DOK2: variants seen among roughly 807,000 people sequenced by gnomAD.
The protein encoded by DOK2 is docking protein 2.
DOK2 carries 28 observed loss-of-function variants against 26.0 expected under a neutral mutation model. The ratio of observed to expected loss-of-function variants is 1.08; its 90% CI spans 0.80 to 1.48. DOK2 has a LOEUF of 1.48. DOK2 is among the 40% of genes most tolerant of loss of function. The pLI is 0.00. For missense variants in DOK2, 682 were observed against 558.2 expected (o/e 1.22, Z -2.23); for synonymous variants, 282 against 236.9 (o/e 1.19, Z -1.75).
intron 1 of DOK2, chr8:21,912,714 G>T: frequency 1.7e-6 from 1 of 593,322 alleles, no homozygotes; most frequent in Non-Finnish European, 2.9e-6. Context: ...GAGATCAGCC[G>T]CCAGCCCCGA....
At position 21,909,860 on chromosome 8, in the gene DOK2, T is replaced by C; in HGVS notation, c.690A>G (p.Gln230=). ...GEGNFEFETR[Q]GNEIFLALEE... Reference sequence around the variant, plus strand: ...CCAGGGCCAAGAAGATCTCATTGCCTTGCCGGGTTTCGAACTCAAAGTTGC... The same window carrying C: ...CCAGGGCCAAGAAGATCTCATTGCCCTGCCGGGTTTCGAACTCAAAGTTGC... Residue 230 remains glutamine (Q), a synonymous_variant, in exon 5 of 5, where the codon CAA becomes CAG. Coordinates refer to ENST00000276420, the MANE Select transcript of DOK2 (RefSeq NM_003974.4). 6.2e-7 allele frequency: 1 copy of C among 1,613,926 alleles called. No individual in the cohort carries two copies. The highest frequency in any genetic ancestry group is 8.5e-7 in the Non-Finnish European group (1 of 1,180,016).
Position 21,911,884 on chromosome 8 carries a change from A to T in DOK2, c.433+17T>A. The T allele has an allele frequency of 1.9e-6, 3 of 1,552,110 alleles. No homozygotes were observed. The highest frequency in any genetic ancestry group is 2.6e-6 in the Non-Finnish European group (3 of 1,148,484). ...GAGAGCCCCCAGGGGAGAGCAGGGC[A>T]GCCCCCGCCCCCTCACCTGTGACTG... On this transcript the variant is annotated intron_variant, in intron 3 of 4. Coordinates refer to ENST00000276420, the MANE Select transcript of DOK2 (RefSeq NM_003974.4).
In DOK2 at chr8:21,909,826, T is replaced by A; in HGVS notation, c.724A>T (p.Ile242Phe). Residue 242 changes from isoleucine to phenylalanine, a missense_variant, in exon 5 of 5, where the codon ATC (isoleucine) becomes TTC (phenylalanine). By Grantham distance (21) the Ile-to-Phe change is conservative (BLOSUM62 0). Transcript: ENST00000276420. The part of the protein sequence containing the change: ...NEIFLALEEA[I>F]SAQKNAAPAT... Reference sequence around the variant, plus strand: ...GGTGCAGCATTCTTCTGGGCAGAGATGGCCTCTTCCAGGGCCAAGAAGATC... The same window carrying A: ...GGTGCAGCATTCTTCTGGGCAGAGAAGGCCTCTTCCAGGGCCAAGAAGATC... 6.2e-7 allele frequency: 1 copy of A among 1,613,946 alleles called. No homozygotes were observed. Among genetic ancestry groups the A allele is most frequent in the Non-Finnish European group, 8.5e-7 (1 of 1,180,006 alleles).
At chr8:21,912,090 A>C in intron 2 of DOK2, 102 bp from the exon 3 acceptor site, 1 of 1,479,150 alleles carries the variant, frequency 6.8e-7, no homozygotes, top group Non-Finnish European at 9.0e-7. Flanking sequence ...CTCTGTCTGC[A>C]CACTGGGTTC....
chr8:21,910,920 A>G (rs1462096093), intron 3 of DOK2, 63 bp from the exon 4 acceptor site: 16 of 1,504,628 alleles, frequency 1.1e-5, no homozygotes, highest in African/African-American at 2.8e-5. Context: ...CTGCCTCACC[A>G]CTGCCCAGTT....
rs748947055 is a variant in DOK2, at chr8:21,909,572, G to C, written c.978C>G (p.Ala326=). ...CCTCAATGCTGTCGTACAGAGGGTC[G>C]GCCAGGAGCTGAGGAGGGACTGCCA... ...GILAVPPQLL[A]DPLYDSIEET... The change falls in exon 5 of 5, where the codon GCC becomes GCG. Residue 326 remains alanine (A), a synonymous_variant. Coordinates refer to ENST00000276420, the MANE Select transcript of DOK2 (RefSeq NM_003974.4). 1 of 1,614,080 alleles carries C rather than the reference G, an allele frequency of 6.2e-7. No homozygotes were observed. The highest frequency in any genetic ancestry group is 1.3e-5 in the African/African-American group (1 of 75,036).
rs538317148 is a variant in DOK2 at position 21,910,288 on chromosome 8, T to C, written c.619-357A>G. 8.5e-5 allele frequency among the ~76,000 whole-genome samples: 13 copies of C among 152,216 alleles called. No homozygotes were observed. The South Asian group carries it at 2.7e-3, about 32-fold the overall frequency. On this transcript the variant is annotated intron_variant, in intron 4 of 4. Transcript: ENST00000276420. ...AGCCACCGCGCCCAGCTAGGGATGC[T>C]TTCTTAAACCCCATCCCTAACCCAA...
chr8:21,911,911 G>T lies in DOK2; in HGVS notation c.423C>A (p.Ser141Arg). 1 of 1,561,086 alleles carries T rather than the reference G, an allele frequency of 6.4e-7. No individual in the cohort carries two copies. Among genetic ancestry groups the T allele is most frequent in the South Asian group, 1.2e-5 (1 of 84,928 alleles). ...CCCCCGCCCCCTCACCTGTGACTGC[G>T]CTGCTGTACAATTCATTTTCCTCCA... ...PCMEENELYS[S>R]AVTVGPHKEF... Residue 141 changes from serine (S) to arginine (R), a missense_variant, in exon 3 of 5, where the codon AGC (serine) becomes AGA (arginine). Coordinates refer to ENST00000276420, the MANE Select transcript of DOK2 (RefSeq NM_003974.4).
chr8:21,910,917 A>T, intron 3 of DOK2, 60 bp from the exon 4 acceptor site: 7 of 1,508,602 alleles, frequency 4.6e-6, no homozygotes, highest in Non-Finnish European at 6.2e-6. Context: ...GGCCTGCCTC[A>T]CCACTGCCCA....
At chr8:21,912,569 G>A (rs986408112) in intron 1 of DOK2, 59 bp from the exon 2 acceptor site, 8 of 1,443,136 alleles carry the variant, frequency 5.5e-6, no homozygotes, top group Admixed American at 5.3e-5. Flanking sequence ...CGGGGAGATC[G>A]TGAGCCAAGG....
chr8:21,913,118 G>T (rs1809921682), intron 1 of DOK2, among the ~76,000 whole-genome samples: 1 of 152,078 alleles, frequency 6.6e-6, no homozygotes, highest in Non-Finnish European at 1.5e-5. Flanking sequence ...GCCCCCAGAG[G>T]CCCCAGCCCA....
rs778314744 is a variant in DOK2 at position 21,910,785 on chromosome 8, G to A, written c.506C>T (p.Ser169Phe). 1 of 1,613,878 alleles carries A rather than the reference G, an allele frequency of 6.2e-7. No individual in the cohort carries two copies. The highest frequency in any genetic ancestry group is 8.5e-7 in the Non-Finnish European group (1 of 1,179,958). ...EASERCHLRG[S>F]YTLRAGESAL... Reference sequence around the variant, plus strand: ...ACTCTCCCCAGCCCGGAGGGTATAGGACCCCCGCAGGTGGCACCTCTCACT... The same window carrying A: ...ACTCTCCCCAGCCCGGAGGGTATAGAACCCCCGCAGGTGGCACCTCTCACT... The change falls in exon 4 of 5, where the codon TCC becomes TTC. Residue 169 changes from serine (S) to phenylalanine (F), a missense_variant. By Grantham distance (155) the Ser-to-Phe change is radical (BLOSUM62 -2). Transcript: ENST00000276420.
intron 3 of DOK2, 73 bp downstream of exon 3, chr8:21,911,828 A>C: frequency 4.2e-6 from 6 of 1,442,710 alleles, no homozygotes; most frequent in Non-Finnish European, 3.7e-6. Context: ...GCAGCTAGCC[A>C]GCCCACACCT....
Position 21,909,393 on chromosome 8 carries a change from G to A in DOK2, c.1157C>T (p.Pro386Leu), listed in dbSNP as rs1335746185. The stretch of plus-strand genomic sequence containing the variant: ...AGAAGCAGAGAAATCCTGCCCGGCT[G>A]GCTGGACATGCTGGAGGCCAGCAGG... ...RDPAGLQHVQ[P>L]AGQDFSASGW... is the part of the protein sequence containing the mutation. Residue 386 changes from proline (P) to leucine (L), a missense_variant, in exon 5 of 5, where the codon CCA (proline) becomes CTA (leucine). Physicochemically the swap from Pro to Leu is moderately conservative, Grantham distance 98. Coordinates refer to ENST00000276420, the MANE Select transcript of DOK2 (RefSeq NM_003974.4). The A allele has an allele frequency of 3.1e-6, 5 of 1,602,452 alleles. No homozygotes were observed. Among genetic ancestry groups the A allele is most frequent in the East Asian group, 2.2e-5 (1 of 44,778 alleles).
intron 4 of DOK2, 49 bp downstream of exon 4, chr8:21,910,624 C>G (rs748525720): frequency 6.2e-7 from 1 of 1,605,608 alleles, no homozygotes; most frequent in Admixed American, 1.7e-5. Flanking sequence ...CCTCTTTGTT[C>G]GTAGCTTATC....
Position 21,910,801 on chromosome 8 carries a change from A to T in DOK2, c.490T>A (p.Cys164Ser). Residue 164 changes from cysteine (C) to serine (S), a missense_variant, in exon 4 of 5, where the codon TGC (cysteine) becomes AGC (serine). Coordinates refer to ENST00000276420, the MANE Select transcript of DOK2 (RefSeq NM_003974.4). ...TMRPTEASER[C>S]HLRGSYTLRA... ...AGGGTATAGGACCCCCGCAGGTGGC[A>T]CCTCTCACTGGCTTCTGTAGGTCTC... 6.2e-7 allele frequency: 1 copy of T among 1,613,590 alleles called. No individual in the cohort carries two copies. The highest frequency in any genetic ancestry group is 8.5e-7 in the Non-Finnish European group (1 of 1,179,852).
At chr8:21,911,809 T>A in intron 3 of DOK2, 92 bp downstream of exon 3, 1 of 1,358,330 alleles carries the variant, frequency 7.4e-7, no homozygotes. Flanking sequence ...GCAGGAAGAC[T>A]CGGGGCCAGC....
At position 21,910,824 on chromosome 8, in the gene DOK2, C is replaced by G. The variant is rs762707505; in HGVS notation, c.467G>C (p.Arg156Thr). ...GCACCTCTCACTGGCTTCTGTAGGT[C>G]TCATGGTCACAGCAAATTCCTTGTG... Reference protein sequence around the residue: ...GPHKEFAVTMRPTEASERCHL... With the variant: ...GPHKEFAVTMTPTEASERCHL... Residue 156 changes from arginine (R) to threonine (T), a missense_variant, in exon 4 of 5, where the codon AGA becomes ACA. Transcript: ENST00000276420. 1.2e-5 allele frequency: 19 copies of G among 1,612,410 alleles called. No homozygotes were observed. Among genetic ancestry groups the G allele is most frequent in the Admixed American group, 1.7e-5 (1 of 59,730 alleles).
Position 21,909,249 on chromosome 8 carries a change from G to C in DOK2, c.*62C>G. ...GGGCAGAGGAGGTTCTTCTGATGCAGTGGCCAGGAGGAGTCACCAGCAGAA... is the reference window on the plus strand; with the variant it reads ...GGGCAGAGGAGGTTCTTCTGATGCACTGGCCAGGAGGAGTCACCAGCAGAA... On this transcript the variant is annotated 3_prime_UTR_variant, in exon 5 of 5. Coordinates refer to ENST00000276420, the MANE Select transcript of DOK2 (RefSeq NM_003974.4). 6.6e-7 allele frequency: 1 copy of C among 1,504,970 alleles called. No homozygotes were observed. The highest frequency in any genetic ancestry group is 8.9e-7 in the Non-Finnish European group (1 of 1,126,540). 93.2% of individuals were successfully genotyped at this position (1,504,970 alleles called of 1,614,324 possible). A position where few individuals can be genotyped will look rare whatever the true frequency, so the allele number is the denominator to read the frequency against.
Sources: allele counts gnomAD v4.1 joint callset (sites outside exome capture counted in the v4.1 genomes callset), GRCh38; gene constraint gnomAD v4.1.1; transcripts MANE v1.5; gene names NCBI Gene and HGNC (gene_info 2026-07-23, HGNC 2026-07-21).